FMN1: variants seen among roughly 807,000 people sequenced by gnomAD.
FMN1 encodes the protein formin-1.
A neutral mutation model predicts 132.4 loss-of-function variants in FMN1; 110 were observed. That is an observed-to-expected ratio of 0.83 (90% confidence interval 0.71 to 0.97). The LOEUF is 0.97. FMN1 is among the 50% of genes least tolerant of loss of function. The pLI, the probability that FMN1 is intolerant of heterozygous loss-of-function variation, is 0.00. For missense variants in FMN1, 1,792 were observed against 1,705.3 expected, an observed-to-expected ratio of 1.05 and a Z score of -0.90; for synonymous variants, 722 against 651.7, an observed-to-expected ratio of 1.11 and a Z score of -1.64.
chr15:32,906,410 G>A (rs905036319), intron 12 of FMN1, among the ~76,000 whole-genome samples: 1 of 152,144 alleles, frequency 6.6e-6, no homozygotes, highest in African/African-American at 2.4e-5. Context: ...ATGTCATTGG[G>A]GCACAGCGAT....
rs2038801565 is a variant in FMN1, at chr15:33,088,883, G to C, written c.1959C>G (p.Gly653=). The C allele has an allele frequency of 3.3e-6, 5 of 1,535,920 alleles. No homozygotes were observed. The highest frequency in any genetic ancestry group is 4.4e-6 in the Non-Finnish European group (5 of 1,146,834). The change falls in exon 5 of 21, where the codon GGC becomes GGG. Residue 653 remains glycine (G), a synonymous_variant. Transcript: ENST00000616417. The part of the protein sequence containing the change: ...PNRDGGAWVL[G]YRAGPACPFL... ...ATGGACAGGCTGGTCCCGCTCTGTA[G>C]CCCAGAACCCACGCGCCTCCATCTC...
chr15:32,883,509 CAA>C (rs60737133), intron 16 of FMN1, among the ~76,000 whole-genome samples: 237 of 25,860 alleles, frequency 9.2e-3, no homozygotes, highest in African/African-American at 0.03. Context: ...GAACCTATCT[CAA>C]AAAAAAAAAA....
intron 19 of FMN1, among the ~76,000 whole-genome samples, chr15:32,788,062 C>G (rs557229687): frequency 1.3e-5 from 2 of 152,318 alleles, no homozygotes; most frequent in East Asian, 3.9e-4. Flanking sequence ...CTTGTATACC[C>G]AAACATACTT....
chr15:32,822,735 T>TA (rs1200023256), intron 17 of FMN1, among the ~76,000 whole-genome samples: 1 of 152,226 alleles, frequency 6.6e-6, no homozygotes, highest in Non-Finnish European at 1.5e-5. Flanking sequence ...TACTCTCTTT[T>TA]AAAAATATTT....
chr15:32,847,690 T>C (rs575397732), intron 17 of FMN1, among the ~76,000 whole-genome samples: 3 of 152,210 alleles, frequency 2.0e-5, no homozygotes, highest in Admixed American at 6.5e-5. Flanking sequence ...CCGTCTCTAC[T>C]AAAAATTACA....
intron 6 of FMN1, among the ~76,000 whole-genome samples, chr15:33,018,905 G>T (rs555255528): frequency 4.6e-5 from 7 of 152,128 alleles, no homozygotes; most frequent in Admixed American, 6.6e-5. Context: ...TAGTCTCACT[G>T]GCTCAGGAGT....
intron 4 of FMN1, among the ~76,000 whole-genome samples, chr15:33,120,843 TC>T (rs58955239): frequency 0.12 from 18,151 of 152,194 alleles, 3,214 homozygotes; most frequent in African/African-American, 0.39. Flanking sequence ...TTCTTTTGAA[TC>T]TACTTTCCAT....
intron 6 of FMN1, among the ~76,000 whole-genome samples, chr15:33,039,039 C>T (rs1162971692): frequency 1.3e-5 from 2 of 152,116 alleles, no homozygotes; most frequent in African/African-American, 4.8e-5. Context: ...TTTTTGTTTC[C>T]CCACTGAAGA....
At chr15:32,849,111 G>C (rs2058939835) in intron 17 of FMN1, among the ~76,000 whole-genome samples, 1 of 148,950 alleles carries the variant, frequency 6.7e-6, no homozygotes, top group Admixed American at 6.7e-5. Context: ...AGCCTGTTGA[G>C]TAGCTGGGAC....
chr15:32,810,685 A>C (rs190564233), intron 17 of FMN1, among the ~76,000 whole-genome samples: 53 of 152,338 alleles, frequency 3.5e-4, no homozygotes, highest in Middle Eastern at 3.4e-3. Context: ...CTGAAGGAGG[A>C]GGCCACTCTT....
chr15:32,871,749 G>T (rs758167076), intron 16 of FMN1, among the ~76,000 whole-genome samples: 4 of 152,190 alleles, frequency 2.6e-5, no homozygotes, highest in Non-Finnish European at 5.9e-5. Flanking sequence ...TACCACAATG[G>T]GAGAGATGAA....
intron 6 of FMN1, among the ~76,000 whole-genome samples, chr15:33,061,997 T>C (rs1254390389): frequency 6.6e-6 from 1 of 152,090 alleles, no homozygotes; most frequent in African/African-American, 2.4e-5. Context: ...AGAAATTATA[T>C]AATGAAAGGA....
chr15:32,825,929 A>T (rs143056502), intron 17 of FMN1, among the ~76,000 whole-genome samples: 3 of 152,374 alleles, frequency 2.0e-5, no homozygotes, highest in Admixed American at 2.0e-4. Flanking sequence ...CCCAAATTGT[A>T]TTAGACCTGA....
At chr15:32,851,048 ACT>A (rs939909042) in intron 17 of FMN1, among the ~76,000 whole-genome samples, 1 of 151,956 alleles carries the variant, frequency 6.6e-6, no homozygotes, top group African/African-American at 2.4e-5. Flanking sequence ...ACAGAGCAAG[ACT>A]CTGTCTCAAA....
At chr15:33,117,438 A>G (rs1214930038) in intron 4 of FMN1, among the ~76,000 whole-genome samples, 1 of 152,114 alleles carries the variant, frequency 6.6e-6, no homozygotes, top group Non-Finnish European at 1.5e-5. Flanking sequence ...GGTAGCATTC[A>G]TTTCTCGGCG....
intron 6 of FMN1, among the ~76,000 whole-genome samples, chr15:33,011,012 A>C (rs115482374): frequency 0.024 from 3,119 of 128,338 alleles, 64 homozygotes; most frequent in Middle Eastern, 0.054. Context: ...TCAAAATTTG[A>C]GTTTTGTTTT....
intron 4 of FMN1, among the ~76,000 whole-genome samples, chr15:33,119,927 C>T (rs1962396235): frequency 6.6e-6 from 1 of 152,162 alleles, no homozygotes; most frequent in Non-Finnish European, 1.5e-5. Flanking sequence ...ATTGTGTCTT[C>T]TATCTAAAGA....
At chr15:33,006,421 GA>G (rs2034419546) in intron 7 of FMN1, among the ~76,000 whole-genome samples, 1 of 152,134 alleles carries the variant, frequency 6.6e-6, no homozygotes, top group South Asian at 2.1e-4. Context: ...TATGGAAAAA[GA>G]GAACCCATGC....
rs187068307 is a variant in FMN1, at chr15:33,020,815, T to C, written c.2162-12740A>G. Among the ~76,000 whole-genome samples, 86 of 152,336 alleles carry C rather than the reference T, an allele frequency of 5.6e-4. 1 individual carries two copies. Among genetic ancestry groups the C allele is most frequent in the Admixed American group, 3.3e-3 (51 of 15,306 alleles). On this transcript the variant is annotated intron_variant, in intron 6 of 20. Transcript: ENST00000616417. ...TTGAAATATCTAAGAACTTTTGGCA[T>C]TTATATTCCAGTATTAGCCCTTTAA...
Sources: gnomAD v4.1 joint callset for allele counts (sites outside exome capture counted in the v4.1 genomes callset) on GRCh38, gnomAD v4.1.1 for gene constraint, MANE v1.5 for transcripts, NCBI Gene and HGNC (gene_info 2026-07-23, HGNC 2026-07-21) for gene names.